USP53: variants seen among roughly 807,000 people sequenced by gnomAD.
USP53 encodes ubiquitin carboxyl-terminal hydrolase 53.
USP53 carries 71 observed loss-of-function variants against 94.9 expected under a neutral mutation model. The ratio of observed to expected loss-of-function variants is 0.75; its 90% CI spans 0.62 to 0.91. The LOEUF (loss-of-function observed/expected upper bound fraction) is 0.91, where lower values mean the gene tolerates loss of function less well. USP53 is among the 40% of genes least tolerant of loss of function. USP53 has a pLI of 0.00. For synonymous variants in USP53, 375 were observed against 422.7 expected, an observed-to-expected ratio of 0.89 and a Z score of 1.39; for missense variants, 1,173 against 1,281.0, an observed-to-expected ratio of 0.92 and a Z score of 1.29.
chr4:119,255,949 A>C (rs1387309865), intron 7 of USP53, among the ~76,000 whole-genome samples: 1 of 152,204 alleles, frequency 6.6e-6, no homozygotes, highest in Non-Finnish European at 1.5e-5. Context: ...CTGTTTTCTA[A>C]TATTAAATTG....
intron 17 of USP53, among the ~76,000 whole-genome samples, chr4:119,286,225 A>AAT (rs143896448): frequency 0.047 from 7,025 of 150,974 alleles, 216 homozygotes; most frequent in Middle Eastern, 0.086. Context: ...AGGGTTTGTA[A>AAT]ATATATATAT....
intron 3 of USP53, among the ~76,000 whole-genome samples, chr4:119,227,791 GTA>G (rs2149287948): frequency 6.6e-6 from 1 of 152,242 alleles, no homozygotes; most frequent in East Asian, 1.9e-4. Context: ...ACTTGAATGT[GTA>G]TAGTTACTTT....
At position 119,239,736 on chromosome 4, in the gene USP53, A is replaced by G; in HGVS notation, c.-24A>G. ...CATAAAAGTGTACAGTTTTTAGCCTAAATGCAAACAAAGTTGCTTGAAAAT... is the reference window on the plus strand; with the variant it reads ...CATAAAAGTGTACAGTTTTTAGCCTGAATGCAAACAAAGTTGCTTGAAAAT... On this transcript the variant is annotated 5_prime_UTR_variant, in exon 5 of 19. Coordinates refer to ENST00000692078, the MANE Select transcript of USP53 (RefSeq NM_001371395.1). 6.3e-7 allele frequency: 1 copy of G among 1,597,166 alleles called. No individual in the cohort carries two copies. The highest frequency in any genetic ancestry group is 8.5e-7 in the Non-Finnish European group (1 of 1,172,738).
At chr4:119,243,860 T>TA (rs1747877434) in intron 5 of USP53, among the ~76,000 whole-genome samples, 1 of 151,900 alleles carries the variant, frequency 6.6e-6, no homozygotes, top group Admixed American at 6.5e-5. Flanking sequence ...TATTTAATAC[T>TA]ATACTATTTA....
At chr4:119,231,968 A>G (rs1182963342) in intron 3 of USP53, among the ~76,000 whole-genome samples, 1 of 152,126 alleles carries the variant, frequency 6.6e-6, no homozygotes, top group Non-Finnish European at 1.5e-5. Context: ...TTGTTTGTGC[A>G]GTTTAGGTGC....
At chr4:119,277,745 G>T (rs1434237062) in intron 17 of USP53, among the ~76,000 whole-genome samples, 179 of 136,848 alleles carry the variant, frequency 1.3e-3, no homozygotes, top group African/African-American at 4.5e-3. Flanking sequence ...AAGTCTCTTT[G>T]TAGGTCACTC....
At chr4:119,233,414 C>A (rs1746326618) in intron 3 of USP53, among the ~76,000 whole-genome samples, 1 of 152,042 alleles carries the variant, frequency 6.6e-6, no homozygotes, top group African/African-American at 2.4e-5. Context: ...CTAATTCTGG[C>A]AAATTCTTAA....
intron 17 of USP53, among the ~76,000 whole-genome samples, chr4:119,279,968 G>T (rs903605215): frequency 1.6e-4 from 24 of 152,176 alleles, no homozygotes; most frequent in Non-Finnish European, 2.4e-4. Flanking sequence ...CTCGCACACG[G>T]TGCGCACACC....
At chr4:119,255,069 A>G (rs953425091) in intron 7 of USP53, among the ~76,000 whole-genome samples, 1 of 152,050 alleles carries the variant, frequency 6.6e-6, no homozygotes, top group Non-Finnish European at 1.5e-5. Context: ...ACAACAGCAA[A>G]TATTGCTGCC....
intron 17 of USP53, among the ~76,000 whole-genome samples, chr4:119,285,129 G>A (rs908123640): frequency 2.0e-5 from 3 of 151,808 alleles, no homozygotes; most frequent in Admixed American, 2.0e-4. Context: ...GATGGAGTAA[G>A]ACCCTTTAGG....
At chr4:119,252,984 G>A (rs1749245646) in intron 7 of USP53, among the ~76,000 whole-genome samples, 1 of 151,860 alleles carries the variant, frequency 6.6e-6, no homozygotes, top group African/African-American at 2.4e-5. Context: ...CCTTCATTTT[G>A]TTAGTTACCC....
Position 119,272,041 on chromosome 4 carries a change from T to G in USP53, c.2174+7T>G. ...AAGAAACAGTATGCTTCAGGTAATG[T>G]AAAAGTTGAGTGAATCATTTTTCCA... On this transcript the variant is annotated splice_region_variant and intron_variant, in intron 16 of 18. Transcript: ENST00000692078. 1 of 1,542,536 alleles carries G rather than the reference T, an allele frequency of 6.5e-7. No homozygotes were observed. The highest frequency in any genetic ancestry group is 8.7e-7 in the Non-Finnish European group (1 of 1,149,082).
At chr4:119,228,596 G>A (rs1578423369) in intron 3 of USP53, among the ~76,000 whole-genome samples, 1 of 152,318 alleles carries the variant, frequency 6.6e-6, no homozygotes, top group Admixed American at 6.5e-5. Flanking sequence ...GCCTACCACA[G>A]TGAGGAAGGT....
At chr4:119,245,457 A>G (rs748331984) in intron 6 of USP53, 28 bp downstream of exon 6, 12 of 1,595,770 alleles carry the variant, frequency 7.5e-6, no homozygotes, top group Admixed American at 6.7e-5. Context: ...CTGAAAAACT[A>G]CTATCAATTG....
intron 17 of USP53, 122 bp from the exon 18 acceptor site, chr4:119,291,043 G>T: frequency 2.0e-6 from 1 of 497,450 alleles, no homozygotes; most frequent in East Asian, 3.4e-5. Context: ...TAAATTGGAA[G>T]AGATTACCTT....
rs913432327 is a variant in USP53 at position 119,260,665 on chromosome 4, A to G, written c.822+12A>G. ...TTTATCTTCCTGGGGTATCTTATCTATTTTCATTCCCTTCCCTTTTATTTT... is the reference window on the plus strand; with the variant it reads ...TTTATCTTCCTGGGGTATCTTATCTGTTTTCATTCCCTTCCCTTTTATTTT... On this transcript the variant is annotated intron_variant, in intron 11 of 18. Transcript: ENST00000692078. 5 of 1,609,096 alleles carry G rather than the reference A, an allele frequency of 3.1e-6. No homozygotes were observed. The highest frequency in any genetic ancestry group is 4.5e-5 in the East Asian group (2 of 44,814).
intron 17 of USP53, among the ~76,000 whole-genome samples, chr4:119,279,511 A>C (rs1316502389): frequency 7.5e-5 from 11 of 146,526 alleles, no homozygotes; most frequent in Non-Finnish European, 1.5e-4. Flanking sequence ...CAAAGCTGTC[A>C]GACAGGGACA....
rs1315535138 is a variant in USP53, at chr4:119,267,481, G to A, written c.1134G>A (p.Met378Ile). Residue 378 changes from methionine to isoleucine, a missense_variant and splice_region_variant, in exon 13 of 19, where the codon ATG (methionine) becomes ATA (isoleucine). Physicochemically the swap from Met to Ile is conservative, Grantham distance 10. Transcript: ENST00000692078. ...ATTACAAATCTGTTGCAGAAAATAT[G>A]GGTAATTCTTTCTTTTAAAAATTCT... ...WSHYKSVAEN[M>I]GCEKPVIHKS... is the part of the protein sequence containing the mutation. The A allele has an allele frequency of 6.2e-6, 10 of 1,603,768 alleles. No individual in the cohort carries two copies. In the African/African-American group the frequency reaches 1.2e-4, roughly 19 times the overall value.
intron 3 of USP53, among the ~76,000 whole-genome samples, chr4:119,228,453 A>G (rs1431664988): frequency 2.6e-5 from 4 of 152,200 alleles, no homozygotes; most frequent in African/African-American, 9.6e-5. Context: ...CAACCAGATA[A>G]TCGCCATATT....
Sources: allele counts gnomAD v4.1 joint callset (sites outside exome capture counted in the v4.1 genomes callset), GRCh38; gene constraint gnomAD v4.1.1; transcripts MANE v1.5; gene names NCBI Gene and HGNC (gene_info 2026-07-23, HGNC 2026-07-21).